Variants in GPR161 observed in about 807,000 individuals in gnomAD.
The protein encoded by GPR161 is G protein-coupled receptor 161, also known as G-protein coupled receptor RE2.
GPR161 carries 25 observed loss-of-function variants against 39.2 expected under a neutral mutation model. The observed-to-expected ratio is 0.64, with a 90% confidence interval of 0.47 to 0.89. GPR161 has a LOEUF of 0.89. GPR161 is among the 40% of genes least tolerant of loss of function. GPR161 has a pLI of 0.00. For missense variants in GPR161, 547 were observed against 677.8 expected, an observed-to-expected ratio of 0.81 and a Z score of 2.14; for synonymous variants, 286 against 276.6, an observed-to-expected ratio of 1.03 and a Z score of -0.34.
chr1:168,096,545 C>T lies in GPR161; in HGVS notation c.1062G>A (p.Arg354=). 1 of 1,614,142 alleles carries T rather than the reference C, an allele frequency of 6.2e-7. No individual in the cohort carries two copies. The highest frequency in any genetic ancestry group is 8.5e-7 in the Non-Finnish European group (1 of 1,180,016). Residue 354 remains arginine, a synonymous_variant, in exon 3 of 6, where the codon AGG becomes AGA. Coordinates refer to ENST00000682931, the MANE Select transcript of GPR161 (RefSeq NM_001375883.1). ...YYREPFVQRQ[R]TSRLFSISNR... ...TGGAAATGCTGAAGAGCCTGGAAGTCCTCTGTCGTTGCACAAATGGTTCCC... is the reference window on the plus strand; with the variant it reads ...TGGAAATGCTGAAGAGCCTGGAAGTTCTCTGTCGTTGCACAAATGGTTCCC...
rs953477058 is a variant in GPR161 at position 168,079,856 on chromosome 1, CTT to C, written c.*5673_*5674del. 1 of 152,128 alleles carries C rather than the reference CTT, an allele frequency of 6.6e-6. No homozygotes were observed. Among genetic ancestry groups the C allele is most frequent in the Non-Finnish European group, 1.5e-5 (1 of 68,030 alleles). The allele number at this position is 152,128 out of a possible 1,614,324, so 9.4% of individuals were successfully genotyped here. ...GGCCTGTGATTCTCCCTAGGACTGT[CTT>C]TTCCTCTGGGAGGACTGACTCACCT... On this transcript the variant is annotated 3_prime_UTR_variant, in exon 6 of 6. Coordinates refer to ENST00000682931, the MANE Select transcript of GPR161 (RefSeq NM_001375883.1).
chr1:168,129,411 T>C (rs1698826392), intron 1 of GPR161, among the ~76,000 whole-genome samples: 1 of 151,976 alleles, frequency 6.6e-6, no homozygotes, highest in Non-Finnish European at 1.5e-5. Flanking sequence ...GAGTGTGGAC[T>C]GGATTCTACA....
Position 168,086,292 on chromosome 1 carries a change from A to G in GPR161, c.1325-496T>C, listed in dbSNP as rs376271084. The stretch of plus-strand genomic sequence containing the variant: ...TCCCCATGCAGAACCTCAAGGTTGG[A>G]CGTGACATTACAGGTTCAAGCCCCC... On this transcript the variant is annotated intron_variant, in intron 5 of 5. Transcript: ENST00000682931. Among the ~76,000 whole-genome samples the G allele has an allele frequency of 7.8e-4, 119 of 152,320 alleles. 1 individual carries two copies. The South Asian group carries it at 0.023, about 29-fold the overall frequency.
intron 5 of GPR161, 109 bp downstream of exon 5, chr1:168,087,476 T>C (rs1694635199): frequency 7.7e-7 from 1 of 1,295,196 alleles, no homozygotes; most frequent in Admixed American, 1.7e-5. Context: ...AGCAAAGGGA[T>C]GGAGCCCTGA....
At chr1:168,086,288 T>C (rs1292740998) in intron 5 of GPR161, among the ~76,000 whole-genome samples, 1 of 152,148 alleles carries the variant, frequency 6.6e-6, no homozygotes, top group Non-Finnish European at 1.5e-5. Flanking sequence ...AACCTCAAGG[T>C]TGGACGTGAC....
intron 4 of GPR161, chr1:168,088,875 C>T (rs955981008): frequency 3.9e-5 from 6 of 152,218 alleles, no homozygotes; most frequent in African/African-American, 7.2e-5. Context: ...CTTTCGACAT[C>T]GCATGCTCAG....
intron 5 of GPR161, among the ~76,000 whole-genome samples, chr1:168,087,334 GGT>G (rs142900649): frequency 6.9e-4 from 103 of 148,350 alleles, no homozygotes; most frequent in South Asian, 5.4e-3. Flanking sequence ...AACACGTGTG[GGT>G]GTGTGTGTGT....
intron 3 of GPR161, 80 bp downstream of exon 3, chr1:168,096,428 C>T (rs1695544368): frequency 7.0e-7 from 1 of 1,438,140 alleles, no homozygotes; most frequent in Non-Finnish European, 9.5e-7. Flanking sequence ...GAGAACTCAC[C>T]CACAAACAGG....
At chr1:168,112,260 C>G (rs1572336287) in intron 1 of GPR161, among the ~76,000 whole-genome samples, 1 of 151,828 alleles carries the variant, frequency 6.6e-6, no homozygotes, top group Non-Finnish European at 1.5e-5. Context: ...GCAGGCAGAT[C>G]ATGAAGTGAG....
intron 1 of GPR161, among the ~76,000 whole-genome samples, chr1:168,107,999 G>A (rs1410531365): frequency 6.6e-6 from 1 of 152,184 alleles, no homozygotes; most frequent in Non-Finnish European, 1.5e-5. Flanking sequence ...CTGAGGCTGG[G>A]TAACTTATAA....
chr1:168,137,504 G>C, upstream of GPR161: 1 of 994,594 alleles, frequency 1.0e-6, no homozygotes, highest in Non-Finnish European at 1.5e-6. Context: ...GGGGAGTGGG[G>C]AGTGGACGTA....
At chr1:168,100,196 G>C (rs996786658) in intron 2 of GPR161, among the ~76,000 whole-genome samples, 58 of 116,208 alleles carry the variant, frequency 5.0e-4, no homozygotes, top group African/African-American at 1.8e-3. Context: ...GGGTGACAGA[G>C]CAAGACCCTG....
In GPR161 at chr1:168,081,766, T is replaced by TAA. The variant is rs1694089363; in HGVS notation, c.*3763_*3764dup. The TAA allele has an allele frequency of 6.6e-6, 1 of 152,378 alleles. No homozygotes were observed. The highest frequency in any genetic ancestry group is 2.4e-5 in the African/African-American group (1 of 41,470). The allele number at this position is 152,378 out of a possible 1,614,324, so 9.4% of individuals were successfully genotyped here. On this transcript the variant is annotated 3_prime_UTR_variant, in exon 6 of 6. Coordinates refer to ENST00000682931, the MANE Select transcript of GPR161 (RefSeq NM_001375883.1). ...ATGAGATAAAGCATTTGGAAGTACC[T>TAA]AACACAGCACCTAGCACATCATAGG...
At chr1:168,108,911 C>G (rs757635200) in intron 1 of GPR161, among the ~76,000 whole-genome samples, 1 of 152,102 alleles carries the variant, frequency 6.6e-6, no homozygotes, top group Non-Finnish European at 1.5e-5. Flanking sequence ...ACTATAACCA[C>G]GCTTATGTTG....
Position 168,084,278 on chromosome 1 carries a change from C to T in GPR161, c.*1253G>A. On this transcript the variant is annotated 3_prime_UTR_variant, in exon 6 of 6. Coordinates refer to ENST00000682931, the MANE Select transcript of GPR161 (RefSeq NM_001375883.1). ...CTGCACTTCACATGTGCATGAGCAA[C>T]CACACTCCAAAGTTATACAAAGGTC... The T allele has an allele frequency of 5.9e-6, 1 of 170,286 alleles. No homozygotes were observed. Among genetic ancestry groups the T allele is most frequent in the Non-Finnish European group, 1.3e-5 (1 of 78,028 alleles). The allele number at this position is 170,286 out of a possible 1,614,324, so 10.5% of individuals were successfully genotyped here.
In GPR161 at chr1:168,111,446, G is replaced by C. The variant is rs78908078; in HGVS notation, c.-44-6552C>G. Among the ~76,000 whole-genome samples the C allele has an allele frequency of 2.3e-3, 350 of 152,240 alleles. 2 individuals carry two copies. The highest frequency in any genetic ancestry group is 8.0e-3 in the African/African-American group (334 of 41,540). Reference sequence around the variant, plus strand: ...GATGAGGGGAAGGGGGAAGATTTTTGGGTAAAGCTGCTTTGATCACACAAA... The same window carrying C: ...GATGAGGGGAAGGGGGAAGATTTTTCGGTAAAGCTGCTTTGATCACACAAA... On this transcript the variant is annotated intron_variant, in intron 1 of 5. Coordinates refer to ENST00000682931, the MANE Select transcript of GPR161 (RefSeq NM_001375883.1).
rs74372180 is a variant in GPR161 at position 168,102,912 on chromosome 1, TAAAA to T, written c.374+1561_374+1564del. The stretch of plus-strand genomic sequence containing the variant: ...GCCAACAAACTTCCAAACTTTTTTT[TAAAA>T]AAAAATTATATAATCAGTCCTGATA... On this transcript the variant is annotated intron_variant, in intron 2 of 5. Coordinates refer to ENST00000682931, the MANE Select transcript of GPR161 (RefSeq NM_001375883.1). 1.7e-3 allele frequency among the ~76,000 whole-genome samples: 247 copies of T among 147,134 alleles called. 1 individual carries two copies. In the South Asian group the frequency reaches 0.019, roughly 11 times the overall value.
chr1:168,133,027 G>A (rs141616241), intron 1 of GPR161, among the ~76,000 whole-genome samples: 1 of 152,206 alleles, frequency 6.6e-6, no homozygotes, highest in Non-Finnish European at 1.5e-5. Context: ...TTACAGGCGT[G>A]AGCCACTGCG....
intron 1 of GPR161, among the ~76,000 whole-genome samples, chr1:168,119,234 A>ATACATATATATATATGTATACATATATG (rs1697915278): frequency 8.3e-6 from 1 of 120,170 alleles, no homozygotes; most frequent in African/African-American, 3.6e-5. Flanking sequence ...ATACGTATAT[A>ATACATATATATATATGTATACATATATG]TATATATACA....
Sources: allele counts gnomAD v4.1 joint callset (sites outside exome capture counted in the v4.1 genomes callset), GRCh38; gene constraint gnomAD v4.1.1; transcripts MANE v1.5; gene names NCBI Gene and HGNC (gene_info 2026-07-23, HGNC 2026-07-21).